TRDMT1: variants seen among roughly 807,000 people sequenced by gnomAD.
TRDMT1 encodes the protein tRNA aspartic acid methyltransferase 1, also known as tRNA (cytosine(38)-C(5))-methyltransferase.
TRDMT1 carries 49 observed loss-of-function variants against 51.2 expected under a neutral mutation model. The observed-to-expected ratio is 0.96, with a 90% CI of 0.76 to 1.21. The LOEUF (loss-of-function observed/expected upper bound fraction) is 1.21. Among genes scored for constraint, TRDMT1 ranks in the 50% most tolerant of loss-of-function variants. The pLI is 0.00. For synonymous variants in TRDMT1, 187 were observed against 164.6 expected (o/e 1.14, Z -1.04); for missense variants, 534 against 462.3 (o/e 1.16, Z -1.42).
chr10:17,161,812 T>C (rs573966715), intron 4 of TRDMT1, among the ~76,000 whole-genome samples: 1 of 152,206 alleles, frequency 6.6e-6, no homozygotes, highest in African/African-American at 2.4e-5. Flanking sequence ...TGGTGTCAAC[T>C]GAAAGGGCGG....
At chr10:17,180,806 C>G (rs1843195151) in intron 1 of TRDMT1, among the ~76,000 whole-genome samples, 1 of 152,108 alleles carries the variant, frequency 6.6e-6, no homozygotes, top group South Asian at 2.1e-4. Context: ...GAACACTAAG[C>G]AAATGAGTAC....
rs75659902 is a variant in TRDMT1 at position 17,173,658 on chromosome 10, A to G, written c.174+893T>C. ...GATTGAGTCGAAACTCAAACTGCCC[A>G]CTTAAAATTACGTACAATAAACTAC... On this transcript the variant is annotated intron_variant, in intron 2 of 10. Coordinates refer to ENST00000377799, the MANE Select transcript of TRDMT1 (RefSeq NM_004412.7). Among the ~76,000 whole-genome samples, 1,203 of 152,258 alleles carry G rather than the reference A, an allele frequency of 7.9e-3. 16 individuals carry two copies. The highest frequency in any genetic ancestry group is 0.026 in the African/African-American group (1,095 of 41,556).
intron 3 of TRDMT1, among the ~76,000 whole-genome samples, chr10:17,165,202 C>T (rs1352771280): frequency 1.3e-5 from 2 of 152,114 alleles, no homozygotes; most frequent in African/African-American, 4.8e-5. Flanking sequence ...ACAGAGCCCT[C>T]AGAAATAATG....
intron 1 of TRDMT1, chr10:17,201,228 G>GCCGT: frequency 3.9e-6 from 1 of 254,140 alleles, no homozygotes; most frequent in Non-Finnish European, 7.6e-6. Flanking sequence ...CTCGGTGGCT[G>GCCGT]CACACTTAGA....
chr10:17,160,550 C>A (rs1383659238), intron 5 of TRDMT1, among the ~76,000 whole-genome samples, 176 bp from the exon 6 acceptor site: 1 of 152,122 alleles, frequency 6.6e-6, no homozygotes, highest in Non-Finnish European at 1.5e-5. Flanking sequence ...CGGCTCACTG[C>A]ATCCTCCGCC....
intron 10 of TRDMT1, among the ~76,000 whole-genome samples, chr10:17,152,486 G>A (rs938965476): frequency 1.3e-5 from 2 of 152,214 alleles, no homozygotes; most frequent in South Asian, 2.1e-4. Flanking sequence ...GAGGGATAGT[G>A]CCATATTAAT....
rs1016063451 is a variant in TRDMT1, at chr10:17,154,609, T to C, written c.945+68A>G. 2.5e-5 allele frequency: 32 copies of C among 1,255,130 alleles called. No homozygotes were observed. The African/African-American group carries it at 4.9e-4, about 19-fold the overall frequency. 77.7% of individuals were successfully genotyped at this position (1,255,130 alleles called of 1,614,324 possible). On this transcript the variant is annotated intron_variant, in intron 9 of 10. Coordinates refer to ENST00000377799, the MANE Select transcript of TRDMT1 (RefSeq NM_004412.7). The stretch of plus-strand genomic sequence containing the variant: ...TTGAATGCATAAAATTATTCTAATG[T>C]TCTCAAAGTATTAAACAATTTTAGT...
intron 3 of TRDMT1, among the ~76,000 whole-genome samples, chr10:17,163,408 A>T (rs1840703328): frequency 1.3e-5 from 2 of 152,324 alleles, no homozygotes; most frequent in South Asian, 2.1e-4. Context: ...AAAAGCCCAC[A>T]AGAGAAAACA....
intron 1 of TRDMT1, among the ~76,000 whole-genome samples, chr10:17,179,227 A>G (rs1279014966): frequency 2.0e-5 from 3 of 152,158 alleles, no homozygotes; most frequent in Non-Finnish European, 4.4e-5. Flanking sequence ...TGAGGTAGCT[A>G]ATACAGCTTC....
intron 3 of TRDMT1, among the ~76,000 whole-genome samples, chr10:17,165,960 T>G (rs1241021719): frequency 1.3e-5 from 2 of 152,074 alleles, no homozygotes; most frequent in African/African-American, 4.8e-5. Flanking sequence ...GAAGTCAGTG[T>G]GGGGATTCCT....
In TRDMT1 at chr10:17,144,046, G is replaced by A. The variant is rs947170042; in HGVS notation, c.*4994C>T. 2.0e-6 allele frequency: 2 copies of A among 985,326 alleles called. No individual in the cohort carries two copies. Among genetic ancestry groups the A allele is most frequent in the Non-Finnish European group, 2.4e-6 (2 of 829,956 alleles). The allele number at this position is 985,326 out of a possible 1,614,324, so 61.0% of individuals were successfully genotyped here. On this transcript the variant is annotated 3_prime_UTR_variant, in exon 11 of 11. Coordinates refer to ENST00000377799, the MANE Select transcript of TRDMT1 (RefSeq NM_004412.7). ...TCTGGGTGTCATCGGCAAAATGGCTGAAGTTGTAGGAAAGGGTGAGAATCT... is the reference window on the plus strand; with the variant it reads ...TCTGGGTGTCATCGGCAAAATGGCTAAAGTTGTAGGAAAGGGTGAGAATCT...
intron 1 of TRDMT1, among the ~76,000 whole-genome samples, chr10:17,187,066 T>C (rs1588658110): frequency 6.6e-6 from 1 of 152,330 alleles, no homozygotes; most frequent in African/African-American, 2.4e-5. Context: ...TCTATTTGTG[T>C]AGCATTGGTA....
Position 17,146,603 on chromosome 10 carries a change from A to G in TRDMT1, c.*2437T>C. 1 of 985,406 alleles carries G rather than the reference A, an allele frequency of 1.0e-6. No individual in the cohort carries two copies. Among genetic ancestry groups the G allele is most frequent in the Non-Finnish European group, 1.2e-6 (1 of 829,874 alleles). 61.0% of individuals were successfully genotyped at this position (985,406 alleles called of 1,614,324 possible). ...ACAATTATCTGGCAAGCCGTTTAAA[A>G]GAGCAGGGATGATGGGAAAAGGAGA... On this transcript the variant is annotated 3_prime_UTR_variant, in exon 11 of 11. Coordinates refer to ENST00000377799, the MANE Select transcript of TRDMT1 (RefSeq NM_004412.7).
chr10:17,161,608 GAA>G, intron 4 of TRDMT1, 60 bp from the exon 5 acceptor site: 1 of 626,356 alleles, frequency 1.6e-6, no homozygotes. Flanking sequence ...AAAAAGTAAA[GAA>G]AATCATTACT....
intron 2 of TRDMT1, among the ~76,000 whole-genome samples, chr10:17,173,706 G>T (rs575484362): frequency 7.3e-5 from 11 of 151,104 alleles, no homozygotes; most frequent in Non-Finnish European, 1.3e-4. Context: ...TGTAAATTAT[G>T]AGAAATTTCA....
chr10:17,181,929 ACTCATG>A (rs1346129152), intron 1 of TRDMT1, among the ~76,000 whole-genome samples: 2 of 151,928 alleles, frequency 1.3e-5, no homozygotes, highest in Non-Finnish European at 2.9e-5. Context: ...AACTTACCTC[ACTCATG>A]CTCTGTTGAA....
intron 1 of TRDMT1, among the ~76,000 whole-genome samples, chr10:17,197,756 G>A (rs562669333): frequency 1.5e-4 from 23 of 152,280 alleles, no homozygotes; most frequent in African/African-American, 4.6e-4. Context: ...TCAACAACCC[G>A]GCACAGTGGC....
At chr10:17,164,203 G>T (rs1412478222) in intron 3 of TRDMT1, among the ~76,000 whole-genome samples, 2 of 152,130 alleles carry the variant, frequency 1.3e-5, no homozygotes, top group Non-Finnish European at 2.9e-5. Context: ...GGGATGCAAG[G>T]CTGGTTCAAC....
At chr10:17,191,994 C>T (rs1844748979) in intron 1 of TRDMT1, among the ~76,000 whole-genome samples, 1 of 152,140 alleles carries the variant, frequency 6.6e-6, no homozygotes, top group Admixed American at 6.5e-5. Flanking sequence ...TCAGATGAGG[C>T]AAGGTGGCAT....
Sources: gnomAD v4.1 joint callset for allele counts (sites outside exome capture counted in the v4.1 genomes callset) on GRCh38, gnomAD v4.1.1 for gene constraint, MANE v1.5 for transcripts, NCBI Gene and HGNC (gene_info 2026-07-23, HGNC 2026-07-21) for gene names.